The following EPHA6 variants were observed in gnomAD, a reference collection of about 807,000 sequenced individuals.
The protein encoded by EPHA6 is EPH receptor A6.
In EPHA6, 50 loss-of-function variants were observed where a neutral mutation model predicts 112.0. The ratio of observed to expected loss-of-function variants is 0.45; its 90% CI spans 0.36 to 0.56. The LOEUF is 0.56. EPHA6 is among the 20% of genes least tolerant of loss of function. The pLI is 0.00. For missense variants in EPHA6, 1,280 were observed against 1,417.4 expected, an observed-to-expected ratio of 0.90 and a Z score of 1.56; for synonymous variants, 529 against 490.7, an observed-to-expected ratio of 1.08 and a Z score of -1.03.
At chr3:97,618,495 A>G (rs575813463) in intron 13 of EPHA6, among the ~76,000 whole-genome samples, 1 of 152,246 alleles carries the variant, frequency 6.6e-6, no homozygotes, top group Non-Finnish European at 1.5e-5. Flanking sequence ...AGTTTATTTA[A>G]AAATTGATAA....
intron 5 of EPHA6, among the ~76,000 whole-genome samples, chr3:97,341,333 T>C (rs1412894964): frequency 6.6e-6 from 1 of 151,830 alleles, no homozygotes; most frequent in East Asian, 1.9e-4. Context: ...CTTGTTATGC[T>C]ATGGTATTCT....
intron 14 of EPHA6, among the ~76,000 whole-genome samples, chr3:97,714,430 G>T (rs954273734): frequency 6.6e-6 from 1 of 151,934 alleles, no homozygotes; most frequent in Non-Finnish European, 1.5e-5. Context: ...TTCAGAAAAG[G>T]ACAAAACTTT....
At chr3:97,492,110 A>T (rs28533337) in intron 10 of EPHA6, among the ~76,000 whole-genome samples, 10,349 of 152,160 alleles carry the variant, frequency 0.068, 1,100 homozygotes, top group African/African-American at 0.23. Flanking sequence ...TCAAGCTTAA[A>T]GTGAATAACA....
intron 5 of EPHA6, among the ~76,000 whole-genome samples, chr3:97,271,420 ACAATCTCGGCTCACTG>A (rs2079875800): frequency 6.6e-6 from 1 of 152,234 alleles, no homozygotes. Context: ...GTGCAGTGGC[ACAATCTCGGCTCACTG>A]CAACCTCCGC....
rs183596143 is a variant in EPHA6 at position 97,640,850 on chromosome 3, T to G, written c.2784+2768T>G. Among the ~76,000 whole-genome samples, 509 of 152,130 alleles carry G rather than the reference T, an allele frequency of 3.3e-3. 3 individuals carry two copies. The highest frequency in any genetic ancestry group is 0.014 in the South Asian group (68 of 4,814). ...AGGAGAGTTTGAAGGACAGGAGGAC[T>G]AGTAGCAGACAGACCAGTTAGGCAT... On this transcript the variant is annotated intron_variant, in intron 14 of 17. Coordinates refer to ENST00000389672, the MANE Select transcript of EPHA6 (RefSeq NM_001080448.3).
chr3:97,106,881 T>G (rs1186407318), intron 3 of EPHA6, among the ~76,000 whole-genome samples: 1 of 152,130 alleles, frequency 6.6e-6, no homozygotes, highest in Non-Finnish European at 1.5e-5. Context: ...TAAGGAAATT[T>G]TTCTCATTTC....
intron 3 of EPHA6, among the ~76,000 whole-genome samples, chr3:97,180,737 A>G (rs190895271): frequency 2.6e-5 from 4 of 152,062 alleles, no homozygotes; most frequent in Non-Finnish European, 5.9e-5. Context: ...ATACAAGATA[A>G]AGTCCTCTTT....
At chr3:97,189,609 T>A (rs1438447486) in intron 3 of EPHA6, among the ~76,000 whole-genome samples, 1 of 152,084 alleles carries the variant, frequency 6.6e-6, no homozygotes, top group Non-Finnish European at 1.5e-5. Context: ...ACCTCAGAAA[T>A]GTCCTCTATC....
Position 97,691,543 on chromosome 3 carries a change from C to T in EPHA6, c.2785-28718C>T, listed in dbSNP as rs981499098. On this transcript the variant is annotated intron_variant, in intron 14 of 17. Transcript: ENST00000389672. ...CTAGTAAATGATTTCATAAGTTGAA[C>T]GAGTGTGGTTAGGGAAAGGGTTACT... Among the ~76,000 whole-genome samples the T allele has an allele frequency of 4.6e-5, 7 of 152,142 alleles. No homozygotes were observed. The East Asian group carries it at 5.8e-4, about 13-fold the overall frequency.
intron 15 of EPHA6, 94 bp from the exon 16 acceptor site, chr3:97,735,831 T>A (rs2035228636): frequency 1.1e-6 from 1 of 876,420 alleles, no homozygotes; most frequent in Admixed American, 3.0e-5. Context: ...ATGCTTACCA[T>A]TATTTTGGCT....
At chr3:97,134,738 T>TA (rs1211025217) in intron 3 of EPHA6, among the ~76,000 whole-genome samples, 1 of 152,054 alleles carries the variant, frequency 6.6e-6, no homozygotes, top group East Asian at 1.9e-4. Context: ...ATTTACAGAT[T>TA]AAAAAAATCA....
chr3:96,889,028 A>C (rs1247412687), intron 2 of EPHA6, among the ~76,000 whole-genome samples: 1 of 152,094 alleles, frequency 6.6e-6, no homozygotes, highest in African/African-American at 2.4e-5. Context: ...AAGTTCCACA[A>C]ATCCGGGGCA....
intron 12 of EPHA6, chr3:97,606,120 A>G (rs1052548054): frequency 2.0e-5 from 3 of 151,394 alleles, no homozygotes; most frequent in Admixed American, 2.0e-4. Flanking sequence ...GGAATGAGGC[A>G]TTAGCGCTTT....
At chr3:97,462,315 T>C (rs191063488) in intron 7 of EPHA6, among the ~76,000 whole-genome samples, 1 of 152,268 alleles carries the variant, frequency 6.6e-6, no homozygotes, top group African/African-American at 2.4e-5. Flanking sequence ...TGAGGGAAAC[T>C]CCACTGAGTT....
At chr3:97,237,801 C>A (rs1459896908) in intron 4 of EPHA6, among the ~76,000 whole-genome samples, 2 of 151,932 alleles carry the variant, frequency 1.3e-5, no homozygotes, top group Admixed American at 1.3e-4. Flanking sequence ...TTTACTCAAA[C>A]ATGAAAAAGG....
At chr3:97,367,915 A>G (rs1222456640) in intron 5 of EPHA6, among the ~76,000 whole-genome samples, 2 of 152,218 alleles carry the variant, frequency 1.3e-5, no homozygotes, top group East Asian at 1.9e-4. Context: ...AAAAATTAAA[A>G]GTAATATAGT....
At chr3:97,151,568 A>G (rs1348341296) in intron 3 of EPHA6, among the ~76,000 whole-genome samples, 1 of 152,036 alleles carries the variant, frequency 6.6e-6, no homozygotes, top group Non-Finnish European at 1.5e-5. Flanking sequence ...CCATCAACAT[A>G]GGATCTGATG....
chr3:97,153,693 C>T (rs1036678894), intron 3 of EPHA6, among the ~76,000 whole-genome samples: 4 of 151,864 alleles, frequency 2.6e-5, no homozygotes, highest in East Asian at 1.9e-4. Flanking sequence ...TTTATTTACA[C>T]CTAAATGTAA....
intron 3 of EPHA6, among the ~76,000 whole-genome samples, chr3:97,187,642 G>A (rs113900150): frequency 0.014 from 1,762 of 125,084 alleles, 39 homozygotes; most frequent in African/African-American, 0.049. Flanking sequence ...GAAAGAAAAA[G>A]AGAGAGAGAA....
Sources: gnomAD v4.1 joint callset for allele counts (sites outside exome capture counted in the v4.1 genomes callset) on GRCh38, gnomAD v4.1.1 for gene constraint, MANE v1.5 for transcripts, NCBI Gene and HGNC (gene_info 2026-07-23, HGNC 2026-07-21) for gene names.